Variants in TTC17 observed in about 807,000 individuals in gnomAD.
TTC17 encodes tetratricopeptide repeat protein 17.
TTC17 carries 58 observed loss-of-function variants against 143.8 expected under a neutral mutation model. That is an observed-to-expected ratio of 0.40 (90% CI 0.33 to 0.50). The LOEUF (loss-of-function observed/expected upper bound fraction) is 0.50. TTC17 is among the 20% of genes least tolerant of loss of function. TTC17 has a pLI of 0.49. For missense variants in TTC17, 1,273 were observed against 1,392.5 expected (o/e 0.91, Z 1.37); for synonymous variants, 501 against 497.8 (o/e 1.01, Z -0.09).
intron 2 of TTC17, among the ~76,000 whole-genome samples, chr11:43,383,880 A>G (rs111443345): frequency 0.087 from 13,216 of 152,152 alleles, 891 homozygotes; most frequent in Admixed American, 0.23. Flanking sequence ...AATAATAGAC[A>G]TGCAGGCCAG....
At chr11:43,414,895 A>G in intron 16 of TTC17, 119 bp downstream of exon 16, 4 of 1,056,526 alleles carry the variant, frequency 3.8e-6, no homozygotes, top group Non-Finnish European at 5.4e-6. Flanking sequence ...AACCAGTATA[A>G]TTCCAGATGC....
At chr11:43,456,478 A>G (rs1947766237) in intron 21 of TTC17, among the ~76,000 whole-genome samples, 1 of 152,238 alleles carries the variant, frequency 6.6e-6, no homozygotes, top group Non-Finnish European at 1.5e-5. Flanking sequence ...CTGTAAAAGT[A>G]ATATTCCAGT....
At chr11:43,482,474 A>G (rs1194504016) in intron 21 of TTC17, among the ~76,000 whole-genome samples, 1 of 151,856 alleles carries the variant, frequency 6.6e-6, no homozygotes, top group Non-Finnish European at 1.5e-5. Flanking sequence ...TTAGTTTCCA[A>G]CTATTTGGGT....
intron 15 of TTC17, 148 bp from the exon 16 acceptor site, chr11:43,414,442 G>A: frequency 1.4e-6 from 1 of 729,120 alleles, no homozygotes; most frequent in Non-Finnish European, 2.2e-6. Context: ...ATACAGTTTA[G>A]AATTGGCTGG....
chr11:43,489,598 CGT>C (rs1564986916), intron 21 of TTC17, among the ~76,000 whole-genome samples: 2 of 151,858 alleles, frequency 1.3e-5, no homozygotes, highest in African/African-American at 4.8e-5. Context: ...ATTAGACAGG[CGT>C]GGTGGTGCAC....
At position 43,464,727 on chromosome 11, in the gene TTC17, T is replaced by A. The variant is rs1947938129; in HGVS notation, c.3030+13462T>A. Among the ~76,000 whole-genome samples, 3 of 151,906 alleles carry A rather than the reference T, an allele frequency of 2.0e-5. No homozygotes were observed. In the South Asian group the frequency reaches 6.2e-4, roughly 32 times the overall value. On this transcript the variant is annotated intron_variant, in intron 21 of 23. Transcript: ENST00000039989. Reference sequence around the variant, plus strand: ...ATTATAAAGAGGAAAAAAATGGAAATGCAAGCTTTTTTTTTTAAAGAGAGA... The same window carrying A: ...ATTATAAAGAGGAAAAAAATGGAAAAGCAAGCTTTTTTTTTTAAAGAGAGA...
intron 2 of TTC17, 112 bp from the exon 3 acceptor site, chr11:43,389,540 C>T (rs1210236523): frequency 2.8e-6 from 3 of 1,077,038 alleles, no homozygotes; most frequent in Non-Finnish European, 3.9e-6. Flanking sequence ...GAATTCTTGT[C>T]TTCCTACATA....
chr11:43,454,311 G>A lies in TTC17; in HGVS notation c.3030+3046G>A, dbSNP rs544910461. On this transcript the variant is annotated intron_variant, in intron 21 of 23. Coordinates refer to ENST00000039989, the MANE Select transcript of TTC17 (RefSeq NM_018259.6). ...AATATAGCCCAAAAAAAGTATGAAG[G>A]AAGGGAGAGTAATGGTATTATATAA... 7.9e-5 allele frequency among the ~76,000 whole-genome samples: 12 copies of A among 152,152 alleles called. No individual in the cohort carries two copies. In the South Asian group the frequency reaches 2.3e-3, roughly 29 times the overall value.
At chr11:43,417,439 A>C (rs1946802963) in intron 16 of TTC17, among the ~76,000 whole-genome samples, 2 of 152,174 alleles carry the variant, frequency 1.3e-5, no homozygotes, top group South Asian at 4.1e-4. Flanking sequence ...TCAAGTATTT[A>C]TTATGACAAT....
chr11:43,418,658 C>CT (rs1004176930), intron 16 of TTC17, among the ~76,000 whole-genome samples: 1 of 150,994 alleles, frequency 6.6e-6, no homozygotes. Context: ...AAAAAACAGC[C>CT]TTTTTTTATT....
chr11:43,391,498 C>G lies in TTC17; in HGVS notation c.453C>G (p.Val151=), dbSNP rs755340660. The change falls in exon 4 of 24, where the codon GTC becomes GTG. Residue 151 remains valine, a synonymous_variant. Transcript: ENST00000039989. ...PEDYIDTESP[V]PPDPEQPDCT... is the part of the protein sequence containing the mutation. ...ATTATATAGACACAGAATCTCCTGT[C>G]CCTCCAGACCCAGAGCAACCTGATT... The G allele has an allele frequency of 1.4e-5, 22 of 1,607,400 alleles. No individual in the cohort carries two copies. Among genetic ancestry groups the G allele is most frequent in the Non-Finnish European group, 1.9e-5 (22 of 1,177,548 alleles).
intron 15 of TTC17, among the ~76,000 whole-genome samples, chr11:43,408,019 A>G (rs1335895996): frequency 1.3e-5 from 2 of 152,204 alleles, no homozygotes; most frequent in Non-Finnish European, 2.9e-5. Context: ...ATAAATAGAT[A>G]CATTGATTTT....
intron 18 of TTC17, among the ~76,000 whole-genome samples, chr11:43,444,689 C>T (rs1157326476): frequency 1.3e-5 from 2 of 150,352 alleles, no homozygotes; most frequent in African/African-American, 2.4e-5. Flanking sequence ...CAGTAAAATA[C>T]GTGCAGCGTA....
chr11:43,459,336 G>A (rs1323333508), intron 21 of TTC17, among the ~76,000 whole-genome samples: 1 of 152,126 alleles, frequency 6.6e-6, no homozygotes, highest in African/African-American at 2.4e-5. Flanking sequence ...TCTGAAGTTG[G>A]CTCCCTTTTC....
intron 16 of TTC17, among the ~76,000 whole-genome samples, chr11:43,432,989 G>GTGTTT (rs58503177): frequency 0.071 from 10,662 of 151,074 alleles, 540 homozygotes; most frequent in African/African-American, 0.15. Context: ...GGTTTTTTGG[G>GTGTTT]TGTTTTGTTT....
At chr11:43,372,876 A>T (rs1688487148) in intron 1 of TTC17, among the ~76,000 whole-genome samples, 1 of 152,172 alleles carries the variant, frequency 6.6e-6, no homozygotes, top group South Asian at 2.1e-4. Flanking sequence ...GAACCTGGGT[A>T]AATAATATTA....
chr11:43,401,411 G>T, intron 9 of TTC17, 35 bp from the exon 10 acceptor site: 2 of 1,437,562 alleles, frequency 1.4e-6, no homozygotes. Flanking sequence ...TGTTGACCTT[G>T]CTCATCATTT....
At chr11:43,476,095 A>G (rs1278815220) in intron 21 of TTC17, among the ~76,000 whole-genome samples, 1 of 152,220 alleles carries the variant, frequency 6.6e-6, no homozygotes, top group Non-Finnish European at 1.5e-5. Context: ...TTTAGTCTCT[A>G]GATTGTGGAC....
chr11:43,384,588 G>A (rs944810486), intron 2 of TTC17, among the ~76,000 whole-genome samples: 9 of 151,980 alleles, frequency 5.9e-5, no homozygotes, highest in Admixed American at 6.5e-5. Context: ...CAGGGATGCT[G>A]AGGTTGAGTG....
Sources: allele counts gnomAD v4.1 joint callset (sites outside exome capture counted in the v4.1 genomes callset), GRCh38; gene constraint gnomAD v4.1.1; transcripts MANE v1.5; gene names NCBI Gene and HGNC (gene_info 2026-07-23, HGNC 2026-07-21).